Variants in IL34 observed in about 807,000 individuals in gnomAD.
IL34 encodes interleukin-34.
A neutral mutation model predicts 25.3 loss-of-function variants in IL34; 17 were observed. The observed-to-expected ratio is 0.67, with a 90% confidence interval of 0.46 to 1.01. The LOEUF (loss-of-function observed/expected upper bound fraction) is 1.01. Ranked by LOEUF, IL34 falls within the 50% of genes least tolerant of loss-of-function variation. IL34 has a pLI of 0.00. For synonymous variants in IL34, 174 were observed against 140.9 expected (o/e 1.23, Z -1.66); for missense variants, 368 against 312.9 (o/e 1.18, Z -1.33).
At chr16:70,632,174 T>C (rs1474246022) in intron 1 of IL34, among the ~76,000 whole-genome samples, 1 of 151,842 alleles carries the variant, frequency 6.6e-6, no homozygotes, top group Admixed American at 6.6e-5. Context: ...AGTTAATGCT[T>C]GAAAGTTCCT....
chr16:70,646,149 A>T (rs576894907), upstream of IL34, among the ~76,000 whole-genome samples: 1 of 152,084 alleles, frequency 6.6e-6, no homozygotes, highest in African/African-American at 2.4e-5. Flanking sequence ...GGCTCACGCA[A>T]TCCTCCCACC....
chr16:70,639,106 TG>T (rs2051722576), intron 1 of IL34, among the ~76,000 whole-genome samples: 1 of 152,196 alleles, frequency 6.6e-6, no homozygotes, highest in African/African-American at 2.4e-5. Flanking sequence ...CACTCCAGCT[TG>T]GGAGATGCCC....
upstream of IL34, among the ~76,000 whole-genome samples, chr16:70,645,563 A>G (rs997788876): frequency 3.3e-5 from 5 of 152,252 alleles, no homozygotes; most frequent in Non-Finnish European, 7.4e-5. Flanking sequence ...AGGACCACGC[A>G]CACACGCTGA....
At chr16:70,615,085 G>A (rs975354210) in intron 1 of IL34, among the ~76,000 whole-genome samples, 4 of 152,192 alleles carry the variant, frequency 2.6e-5, no homozygotes, top group Non-Finnish European at 4.4e-5. Context: ...AGAAACTCCT[G>A]ATCTATGGCT....
chr16:70,585,620 T>C (rs144975027), intron 1 of IL34, among the ~76,000 whole-genome samples: 1,632 of 151,538 alleles, frequency 0.011, 36 homozygotes, highest in African/African-American at 0.037. Flanking sequence ...GGGAGGCAGA[T>C]GTTGCAGTGA....
chr16:70,581,438 TC>T (rs911610822), intron 1 of IL34, among the ~76,000 whole-genome samples: 35 of 150,462 alleles, frequency 2.3e-4, no homozygotes, highest in African/African-American at 3.5e-4. Context: ...TATTGTTTTT[TC>T]CCCCCTTTTC....
intron 1 of IL34, among the ~76,000 whole-genome samples, chr16:70,652,698 T>C (rs1809261125): frequency 1.4e-5 from 2 of 143,814 alleles, no homozygotes; most frequent in Admixed American, 6.9e-5. Context: ...TTGTTCATAA[T>C]TTATTGGTTA....
intron 1 of IL34, among the ~76,000 whole-genome samples, chr16:70,632,479 G>A (rs948628313): frequency 3.9e-5 from 6 of 152,172 alleles, no homozygotes; most frequent in African/African-American, 1.4e-4. Context: ...GGCATTTTGG[G>A]GAACACATCT....
chr16:70,620,900 A>G (rs2051267319), intron 1 of IL34, among the ~76,000 whole-genome samples: 2 of 151,996 alleles, frequency 1.3e-5, no homozygotes, highest in African/African-American at 4.8e-5. Context: ...AAGAAGGAGG[A>G]ATGGAATGTG....
At chr16:70,658,178 T>C (rs1163062286) in intron 4 of IL34, among the ~76,000 whole-genome samples, 1 of 152,182 alleles carries the variant, frequency 6.6e-6, no homozygotes, top group Non-Finnish European at 1.5e-5. Flanking sequence ...AGGCCAACTG[T>C]GAGCTTCCGA....
At chr16:70,632,457 T>C (rs1417038254) in intron 1 of IL34, among the ~76,000 whole-genome samples, 1 of 152,172 alleles carries the variant, frequency 6.6e-6, no homozygotes, top group Admixed American at 6.5e-5. Context: ...GAGCTGAAGA[T>C]TCCTTCAGGT....
chr16:70,588,225 C>T (rs1225585877), intron 1 of IL34, among the ~76,000 whole-genome samples: 1 of 152,028 alleles, frequency 6.6e-6, no homozygotes, highest in Admixed American at 6.6e-5. Flanking sequence ...GTGGCTCATG[C>T]GTGTAATCCC....
chr16:70,603,109 C>T, intron 1 of IL34, among the ~76,000 whole-genome samples: 1 of 151,962 alleles, frequency 6.6e-6, no homozygotes, highest in East Asian at 1.9e-4. Flanking sequence ...GACATCTGCG[C>T]TGTAGTTCCA....
intron 1 of IL34, among the ~76,000 whole-genome samples, chr16:70,634,732 T>A (rs2051601459): frequency 6.6e-6 from 1 of 151,792 alleles, no homozygotes; most frequent in African/African-American, 2.4e-5. Flanking sequence ...TCCAGTCAGA[T>A]CCTTACCACC....
chr16:70,637,123 G>A (rs919437441), intron 1 of IL34, among the ~76,000 whole-genome samples: 5 of 151,930 alleles, frequency 3.3e-5, no homozygotes, highest in South Asian at 2.1e-4. Flanking sequence ...GCCTCTCAAA[G>A]TGCTGGGATT....
intron 1 of IL34, among the ~76,000 whole-genome samples, chr16:70,585,326 C>T (rs995794211): frequency 1.8e-4 from 27 of 152,294 alleles, no homozygotes; most frequent in African/African-American, 4.8e-4. Context: ...CAGGCTCAAG[C>T]GATCCTCCCG....
chr16:70,625,533 G>T (rs1023696264), intron 1 of IL34, among the ~76,000 whole-genome samples: 1 of 152,070 alleles, frequency 6.6e-6, no homozygotes, highest in Non-Finnish European at 1.5e-5. Flanking sequence ...TGGGGAACTT[G>T]CCCCTCCCCC....
chr16:70,633,968 A>G lies in IL34; in HGVS notation c.-400-12580A>G, dbSNP rs1414926159. On this transcript the variant is annotated intron_variant, in intron 1 of 6. Transcript: ENST00000429149. ...TGGGTTCAAGCGATTCTGCTGCCTCAGCCTCCGGAGTAGCTGGAATTACAG... is the reference window on the plus strand; with the variant it reads ...TGGGTTCAAGCGATTCTGCTGCCTCGGCCTCCGGAGTAGCTGGAATTACAG... Among the ~76,000 whole-genome samples the G allele has an allele frequency of 9.9e-5, 15 of 152,016 alleles. No homozygotes were observed. The East Asian group carries it at 2.9e-3, about 29-fold the overall frequency.
At chr16:70,603,793 G>A (rs1370355777) in intron 1 of IL34, among the ~76,000 whole-genome samples, 1 of 152,030 alleles carries the variant, frequency 6.6e-6, no homozygotes, top group East Asian at 1.9e-4. Flanking sequence ...TGTTGCCCAG[G>A]CTGGTCTTGA....
Sources: allele counts gnomAD v4.1 joint callset (sites outside exome capture counted in the v4.1 genomes callset), GRCh38; gene constraint gnomAD v4.1.1; transcripts MANE v1.5; gene names NCBI Gene and HGNC (gene_info 2026-07-23, HGNC 2026-07-21).